GGT1: variants seen among roughly 807,000 people sequenced by gnomAD.
The protein encoded by GGT1 is glutathione hydrolase 1 proenzyme.
Under a neutral mutation model 56.0 loss-of-function variants are expected in GGT1, and 21 were observed. The ratio of observed to expected loss-of-function variants is 0.38; its 90% confidence interval spans 0.27 to 0.54. The LOEUF is 0.54. GGT1 is among the 20% of genes least tolerant of loss of function. The probability of loss-of-function intolerance (pLI) is 0.82; values close to 1 mark genes in which losing one functional copy is unlikely to be tolerated. For synonymous variants in GGT1, 238 were observed against 342.6 expected (o/e 0.69, Z 3.37); for missense variants, 466 against 787.0 (o/e 0.59, Z 4.88).
At chr22:24,626,605 C>T (rs551083830) in intron 11 of GGT1, among the ~76,000 whole-genome samples, 1 of 151,862 alleles carries the variant, frequency 6.6e-6, no homozygotes, top group Non-Finnish European at 1.5e-5. Flanking sequence ...GGGTTTACCT[C>T]GCTAGTCGGC....
At chr22:24,603,887 G>A (rs1269953454) in intron 1 of GGT1, among the ~76,000 whole-genome samples, 1 of 151,964 alleles carries the variant, frequency 6.6e-6, no homozygotes, top group East Asian at 1.9e-4. Context: ...GGGCAGGGCC[G>A]GTTGTGCGAG....
chr22:24,588,758 C>T, the GGT1 span: 2 of 1,036,064 alleles, frequency 1.9e-6, no homozygotes, highest in Non-Finnish European at 2.3e-6. Flanking sequence ...AGGAACAAGC[C>T]AGGTCAGCGT....
At chr22:24,608,502 G>A (rs2147296771) in intron 2 of GGT1, among the ~76,000 whole-genome samples, 1 of 152,352 alleles carries the variant, frequency 6.6e-6, no homozygotes, top group Middle Eastern at 3.4e-3. Flanking sequence ...TGGGAGAGAT[G>A]AGGCCATGCC....
the GGT1 span, chr22:24,589,322 C>A: frequency 8.5e-7 from 1 of 1,178,554 alleles, no homozygotes; most frequent in Non-Finnish European, 1.1e-6. Flanking sequence ...GAGGGCCTTG[C>A]TTATGACCCC....
At chr22:24,618,365 T>A (rs535113528) in intron 7 of GGT1, among the ~76,000 whole-genome samples, 46 of 152,186 alleles carry the variant, frequency 3.0e-4, no homozygotes, top group African/African-American at 1.1e-3. Context: ...CTGAGGTGGG[T>A]GGATGACCTG....
upstream of GGT1, chr22:24,592,331 G>A (rs778944990): frequency 1.3e-5 from 6 of 470,370 alleles, no homozygotes; most frequent in South Asian, 9.3e-5. Context: ...ATGCATGGAT[G>A]GCTCTCTGTG....
chr22:24,586,723 G>A, the GGT1 span, among the ~76,000 whole-genome samples: 1 of 152,326 alleles, frequency 6.6e-6, no homozygotes, highest in East Asian at 1.9e-4. Context: ...TAGAGGCGGG[G>A]TTTCTCCATC....
In GGT1 at chr22:24,623,268, C is replaced by T. The variant is rs1268485895; in HGVS notation, c.883+12C>T. On this transcript the variant is annotated intron_variant, in intron 10 of 15. Transcript: ENST00000400382. The stretch of plus-strand genomic sequence containing the variant: ...CAACATCCTCAAAGGTGAGTGGTCG[C>T]ACCACAGCCGTGTGGTAGGACCCAT... 4.8e-5 allele frequency: 74 copies of T among 1,551,708 alleles called. No homozygotes were observed. Among genetic ancestry groups the T allele is most frequent in the Non-Finnish European group, 6.1e-5 (70 of 1,144,410 alleles).
chr22:24,620,025 A>C lies in GGT1; in HGVS notation c.383-303A>C, dbSNP rs1368360324. Among the ~76,000 whole-genome samples, 1 of 128,034 alleles carries C rather than the reference A, an allele frequency of 7.8e-6. No individual in the cohort carries two copies. 84.0% of individuals were successfully genotyped at this position (128,034 alleles called of 152,430 possible). On this transcript the variant is annotated intron_variant, in intron 7 of 15. Coordinates refer to ENST00000400382, the MANE Select transcript of GGT1 (RefSeq NM_001288833.2). The surrounding 1 kb of genome is among the most constrained non-coding windows in gnomAD (Gnocchi z 5.6). ...ATTAAACATCCCCTCCTAAAAAAAA[A>C]CAATTAAAATTAAAAAATAAATTTA... is the stretch of plus-strand genomic sequence containing the variant.
chr22:24,597,184 T>C (rs995547974), intron 1 of GGT1, among the ~76,000 whole-genome samples: 1 of 151,834 alleles, frequency 6.6e-6, no homozygotes, highest in Non-Finnish European at 1.5e-5. Context: ...CGTTTCACCA[T>C]ATTGGTCAGG....
upstream of GGT1, chr22:24,593,046 C>T: frequency 1.9e-6 from 2 of 1,042,940 alleles, no homozygotes; most frequent in Non-Finnish European, 1.2e-6. Flanking sequence ...CCATGGCCGC[C>T]GCGCGATGGT....
chr22:24,611,745 C>T (rs971659985), intron 5 of GGT1, among the ~76,000 whole-genome samples: 23 of 151,642 alleles, frequency 1.5e-4, no homozygotes, highest in Non-Finnish European at 3.4e-4. Flanking sequence ...GCTGGGATTA[C>T]AGGCGTGCGC....
chr22:24,627,265 A>T (rs1288608235), intron 11 of GGT1, 167 bp from the exon 12 acceptor site: 1 of 1,306,980 alleles, frequency 7.7e-7, no homozygotes, highest in African/African-American at 1.5e-5. Context: ...AGGGAGTCAG[A>T]CTGGTCATGC....
chr22:24,623,355 C>T lies in GGT1; in HGVS notation c.883+99C>T, dbSNP rs999824632. The T allele has an allele frequency of 4.4e-4, 587 of 1,335,564 alleles. 4 individuals carry two copies. Among genetic ancestry groups the T allele is most frequent in the South Asian group, 1.0e-3 (81 of 79,748 alleles). 82.7% of individuals were successfully genotyped at this position (1,335,564 alleles called of 1,614,324 possible). On this transcript the variant is annotated intron_variant, in intron 10 of 15. Transcript: ENST00000400382. ...GCATCTCTGCTCGCCCCCCATGCCACGTCTTTCCATCACTGAGCTCCCGAG... is the reference window on the plus strand; with the variant it reads ...GCATCTCTGCTCGCCCCCCATGCCATGTCTTTCCATCACTGAGCTCCCGAG...
At chr22:24,599,787 G>T (rs530717896), upstream of GGT1, among the ~76,000 whole-genome samples, 1 of 152,156 alleles carries the variant, frequency 6.6e-6, no homozygotes, top group African/African-American at 2.4e-5. Flanking sequence ...AGCGAGGGAG[G>T]TCGGGAAGGT....
Position 24,623,135 on chromosome 22 carries a change from C to T in GGT1, c.762C>T (p.Asn254=), listed in dbSNP as rs866046283. 1 of 1,611,402 alleles carries T rather than the reference C, an allele frequency of 6.2e-7. No individual in the cohort carries two copies. Among genetic ancestry groups the T allele is most frequent in the Non-Finnish European group, 8.5e-7 (1 of 1,179,642 alleles). Residue 254 remains asparagine (N), a synonymous_variant, in exon 10 of 16, where the codon AAC becomes AAT. Transcript: ENST00000400382. ...GCATTGTGACAGCTGAGGACCTGAACAACTACCGTGCTGAGCTGATCGAGC... is the reference window on the plus strand; with the variant it reads ...GCATTGTGACAGCTGAGGACCTGAATAACTACCGTGCTGAGCTGATCGAGC... ...AGGIVTAEDL[N]NYRAELIEHP...
rs796720949 is a variant in GGT1 at position 24,628,425 on chromosome 22, G to C, written c.1563+37G>C. ...GTTGGAGAAACTGAGTCAAGGTGTG[G>C]GGCCCCAGGGCATCCTGGGCTGGAG... is the stretch of plus-strand genomic sequence containing the variant. On this transcript the variant is annotated intron_variant, in intron 15 of 15. Coordinates refer to ENST00000400382, the MANE Select transcript of GGT1 (RefSeq NM_001288833.2). This position sits in a 1 kb window ranked among gnomAD's most constrained non-coding sequence, Gnocchi z 5.7. 3 of 1,608,030 alleles carry C rather than the reference G, an allele frequency of 1.9e-6. No individual in the cohort carries two copies. The African/African-American group carries it at 4.2e-5, about 22-fold the overall frequency.
rs1269967767 is a variant in GGT1 at position 24,620,926 on chromosome 22, C to T, written c.589C>T (p.Arg197Trp). 3 of 1,611,912 alleles carry T rather than the reference C, an allele frequency of 1.9e-6. No homozygotes were observed. Among genetic ancestry groups the T allele is most frequent in the Non-Finnish European group, 2.5e-6 (3 of 1,179,808 alleles). ...CCTCTGCCCCAGTGAGGTGTTCTGC[C>T]GGGATAGAAAGGTGCTTCGGGAGGG... Reference protein sequence around the residue: ...QQPVLCEVFCRDRKVLREGER... With the variant: ...QQPVLCEVFCWDRKVLREGER... The change falls in exon 9 of 16, where the codon CGG becomes TGG. Residue 197 changes from arginine to tryptophan, a missense_variant. By Grantham distance (101) the Arg-to-Trp change is moderately radical. This residue lies in a region of GGT1 where 456 missense variants were observed against 716.7 expected (regional missense o/e 0.64). Transcript: ENST00000400382. The surrounding 1 kb of genome is among the most constrained non-coding windows in gnomAD (Gnocchi z 5.6).
Position 24,628,429 on chromosome 22 carries a change from C to T in GGT1, c.1563+41C>T. 1 of 1,607,808 alleles carries T rather than the reference C, an allele frequency of 6.2e-7. No individual in the cohort carries two copies. Among genetic ancestry groups the T allele is most frequent in the Non-Finnish European group, 8.5e-7 (1 of 1,179,838 alleles). On this transcript the variant is annotated intron_variant, in intron 15 of 15. Coordinates refer to ENST00000400382, the MANE Select transcript of GGT1 (RefSeq NM_001288833.2). The surrounding 1 kb of genome is among the most constrained non-coding windows in gnomAD (Gnocchi z 5.7). Reference sequence around the variant, plus strand: ...GAGAAACTGAGTCAAGGTGTGGGGCCCCAGGGCATCCTGGGCTGGAGGCCT... The same window carrying T: ...GAGAAACTGAGTCAAGGTGTGGGGCTCCAGGGCATCCTGGGCTGGAGGCCT...
Sources: allele counts gnomAD v4.1 joint callset (sites outside exome capture counted in the v4.1 genomes callset), GRCh38; gene constraint gnomAD v4.1.1; regional missense constraint gnomAD v4.1.1; non-coding constraint Gnocchi (gnomAD v3.1); transcripts MANE v1.5; gene names NCBI Gene and HGNC (gene_info 2026-07-23, HGNC 2026-07-21).